The following IDE variants were observed in gnomAD, a reference collection of about 807,000 sequenced individuals.
IDE encodes the protein insulin degrading enzyme, also known as insulin-degrading enzyme.
IDE carries 58 observed loss-of-function variants against 133.2 expected under a neutral mutation model. The ratio of observed to expected loss-of-function variants is 0.44; its 90% CI spans 0.35 to 0.54. IDE has a LOEUF of 0.54. IDE is among the 20% of genes least tolerant of loss of function. The probability of loss-of-function intolerance (pLI) is 0.00; values close to 1 mark genes in which losing one functional copy is unlikely to be tolerated. For synonymous variants in IDE, 396 were observed against 421.3 expected (o/e 0.94, Z 0.73); for missense variants, 981 against 1,234.0 (o/e 0.79, Z 3.07).
In IDE at chr10:92,453,710, C is replaced by T. The variant is rs892578063; in HGVS notation, c.*734G>A. On this transcript the variant is annotated 3_prime_UTR_variant, in exon 25 of 25. Coordinates refer to ENST00000265986, the MANE Select transcript of IDE (RefSeq NM_004969.4). Reference sequence around the variant, plus strand: ...GTAAAACTCATGGAACACTGCAAACCAACTATGAAGAAGTAGGTCAATATA... The same window carrying T: ...GTAAAACTCATGGAACACTGCAAACTAACTATGAAGAAGTAGGTCAATATA... 6.6e-6 allele frequency: 1 copy of T among 152,068 alleles called. No individual in the cohort carries two copies. Among genetic ancestry groups the T allele is most frequent in the African/African-American group, 2.4e-5 (1 of 41,408 alleles). 9.4% of individuals were successfully genotyped at this position (152,068 alleles called of 1,614,324 possible).
intron 1 of IDE, among the ~76,000 whole-genome samples, chr10:92,549,342 A>G (rs1022682899): frequency 6.6e-6 from 1 of 152,196 alleles, no homozygotes; most frequent in African/African-American, 2.4e-5. Flanking sequence ...ATTACCCCCA[A>G]AATAATGGAT....
In IDE at chr10:92,573,980, G is replaced by A. The variant is rs2135871804; in HGVS notation, c.40C>T (p.Pro14Ser). 1 of 1,508,278 alleles carries A rather than the reference G, an allele frequency of 6.6e-7. No homozygotes were observed. Among genetic ancestry groups the A allele is most frequent in the Non-Finnish European group, 8.8e-7 (1 of 1,130,900 alleles). 93.4% of individuals were successfully genotyped at this position (1,508,278 alleles called of 1,614,324 possible). Residue 14 changes from proline (P) to serine (S), a missense_variant, in exon 1 of 25, where the codon CCC becomes TCC. By Grantham distance (74) the Pro-to-Ser change is moderately conservative (BLOSUM62 -1). Coordinates refer to ENST00000265986, the MANE Select transcript of IDE (RefSeq NM_004969.4). ...RLAWLLHPAL[P>S]STFRSVLGAR... The stretch of plus-strand genomic sequence containing the variant: ...CCGAGGACTGAGCGGAAGGTGCTGG[G>A]CAGTGCGGGGTGCAGAAGCCACGCT...
intron 21 of IDE, among the ~76,000 whole-genome samples, chr10:92,461,865 C>T (rs925283483): frequency 2.0e-5 from 3 of 151,802 alleles, no homozygotes; most frequent in African/African-American, 4.8e-5. Flanking sequence ...TTAGTAGATA[C>T]GGGGTTTCAC....
chr10:92,504,854 T>C lies in IDE; in HGVS notation c.1370A>G (p.Glu457Gly). 1 of 1,589,322 alleles carries C rather than the reference T, an allele frequency of 6.3e-7. No homozygotes were observed. The highest frequency in any genetic ancestry group is 1.2e-5 in the South Asian group (1 of 86,394). The change falls in exon 11 of 25, where the codon GAA (glutamate) becomes GGA (glycine). Residue 457 changes from glutamate to glycine, a missense_variant. By Grantham distance (98) the Glu-to-Gly change is moderately conservative (BLOSUM62 -2). Around this residue, in one of 2 missense-constraint regions of IDE, gnomAD observed 660 missense variants for 894.7 expected, o/e 0.74. Coordinates refer to ENST00000265986, the MANE Select transcript of IDE (RefSeq NM_004969.4). ...CTCTATTAAGTCAGGTCTAAATTCT[T>C]CCAGTAAATATTCCGCTGTGAGCAC... Reference protein sequence around the residue: ...EEVLTAEYLLEEFRPDLIEMV... With the variant: ...EEVLTAEYLLGEFRPDLIEMV...
At chr10:92,496,144 G>T (rs1847689196) in intron 11 of IDE, among the ~76,000 whole-genome samples, 1 of 152,048 alleles carries the variant, frequency 6.6e-6, no homozygotes, top group Non-Finnish European at 1.5e-5. Context: ...CAAAGTGCTG[G>T]GATTACAGGC....
intron 3 of IDE, 43 bp downstream of exon 3, chr10:92,534,535 T>C: frequency 1.9e-6 from 2 of 1,045,816 alleles, no homozygotes; most frequent in Non-Finnish European, 2.9e-6. Flanking sequence ...ATTAATGTGA[T>C]AAGTACACAA....
intron 2 of IDE, among the ~76,000 whole-genome samples, chr10:92,536,524 C>T (rs1842014973): frequency 6.7e-6 from 1 of 149,886 alleles, no homozygotes; most frequent in African/African-American, 2.5e-5. Flanking sequence ...CATGGAGAAA[C>T]CCCATCTCTA....
intron 20 of IDE, 73 bp from the exon 21 acceptor site, chr10:92,464,076 A>G: frequency 7.0e-7 from 1 of 1,438,572 alleles, no homozygotes; most frequent in Non-Finnish European, 9.5e-7. Flanking sequence ...TTCAAAAACT[A>G]ACCTGTCTGA....
intron 4 of IDE, among the ~76,000 whole-genome samples, chr10:92,530,448 G>C (rs910062932): frequency 1.3e-5 from 2 of 151,782 alleles, no homozygotes; most frequent in African/African-American, 2.4e-5. Flanking sequence ...ACCATGCCTG[G>C]CTAATTATTT....
At chr10:92,503,807 C>G (rs1848155532) in intron 11 of IDE, among the ~76,000 whole-genome samples, 2 of 151,778 alleles carry the variant, frequency 1.3e-5, no homozygotes, top group Admixed American at 6.6e-5. Context: ...CAACCTCCAC[C>G]TCCTGGGTTC....
At chr10:92,487,390 A>G in intron 12 of IDE, 72 bp from the exon 13 acceptor site, 9 of 1,244,500 alleles carry the variant, frequency 7.2e-6, no homozygotes, top group Non-Finnish European at 1.0e-5. Flanking sequence ...TCTCTGCTCA[A>G]TATATGGGCA....
In IDE at chr10:92,452,466, C is replaced by T. The variant is rs1844790732; in HGVS notation, c.*1978G>A. 1.3e-5 allele frequency: 2 copies of T among 152,156 alleles called. No homozygotes were observed. Among genetic ancestry groups the T allele is most frequent in the Admixed American group, 1.3e-4 (2 of 15,278 alleles). 9.4% of individuals were successfully genotyped at this position (152,156 alleles called of 1,614,324 possible). A position where few individuals can be genotyped will look rare whatever the true frequency, so the allele number is the denominator to read the frequency against. On this transcript the variant is annotated 3_prime_UTR_variant, in exon 25 of 25. Coordinates refer to ENST00000265986, the MANE Select transcript of IDE (RefSeq NM_004969.4). ...TATTGCTCATGGACTGCAGCTTGGA[C>T]CCATCTAAATGAATCCATTAGTATG...
intron 1 of IDE, among the ~76,000 whole-genome samples, chr10:92,545,647 G>C (rs1431244266): frequency 6.6e-6 from 1 of 152,138 alleles, no homozygotes; most frequent in African/African-American, 2.4e-5. Flanking sequence ...TGGACGAAGA[G>C]GTATTATTGA....
chr10:92,539,736 C>A (rs1182259602), intron 1 of IDE, among the ~76,000 whole-genome samples: 1 of 151,972 alleles, frequency 6.6e-6, no homozygotes, highest in Non-Finnish European at 1.5e-5. Context: ...TGCACTCCAG[C>A]CTGGCGACAG....
Position 92,504,953 on chromosome 10 carries a change from T to C in IDE, c.1327-56A>G. ...ATATACAAAGCTACTACATAGTTTA[T>C]TAAAGCAGATCTGTAACACATTAAA... On this transcript the variant is annotated intron_variant, in intron 10 of 24. Coordinates refer to ENST00000265986, the MANE Select transcript of IDE (RefSeq NM_004969.4). The C allele has an allele frequency of 2.0e-5, 16 of 795,854 alleles. No homozygotes were observed. In the South Asian group the frequency reaches 2.8e-4, roughly 14 times the overall value. 49.3% of individuals were successfully genotyped at this position (795,854 alleles called of 1,614,324 possible).
chr10:92,519,514 G>T (rs1849104243), intron 4 of IDE, among the ~76,000 whole-genome samples: 1 of 152,212 alleles, frequency 6.6e-6, no homozygotes, highest in African/African-American at 2.4e-5. Flanking sequence ...AGAGAACACT[G>T]CCTTGGCATT....
intron 1 of IDE, among the ~76,000 whole-genome samples, chr10:92,542,994 T>G (rs1046389399): frequency 6.6e-6 from 1 of 152,230 alleles, no homozygotes; most frequent in South Asian, 2.1e-4. Flanking sequence ...ATGATCAATA[T>G]AGTAGCAGAT....
chr10:92,491,952 A>T (rs1249575878), intron 11 of IDE, among the ~76,000 whole-genome samples: 1 of 152,036 alleles, frequency 6.6e-6, no homozygotes, highest in South Asian at 2.1e-4. Flanking sequence ...AGCCCAGAAG[A>T]GAAGTCAGAT....
At chr10:92,531,618 C>T (rs531294346) in intron 4 of IDE, 130 bp downstream of exon 4, 1 of 343,964 alleles carries the variant, frequency 2.9e-6, no homozygotes, top group South Asian at 1.4e-4. Context: ...TAAAATATGC[C>T]ATGAACTGTA....
Sources: allele counts gnomAD v4.1 joint callset (sites outside exome capture counted in the v4.1 genomes callset), GRCh38; gene constraint gnomAD v4.1.1; regional missense constraint gnomAD v4.1.1; transcripts MANE v1.5; gene names NCBI Gene and HGNC (gene_info 2026-07-23, HGNC 2026-07-21).